CFAP52: variants seen among roughly 807,000 people sequenced by gnomAD.
The protein encoded by CFAP52 is cilia- and flagella-associated protein 52.
CFAP52 carries 57 observed loss-of-function variants against 70.5 expected under a neutral mutation model. That is an observed-to-expected ratio of 0.81 (90% CI 0.65 to 1.01). The LOEUF (loss-of-function observed/expected upper bound fraction) is 1.01, where lower values mean the gene tolerates loss of function less well. Ranked by LOEUF, CFAP52 falls within the 50% of genes least tolerant of loss-of-function variation. CFAP52 has a pLI of 0.00. For missense variants in CFAP52, 785 were observed against 788.5 expected (o/e 1.00, Z 0.05); for synonymous variants, 267 against 292.5 (o/e 0.91, Z 0.89).
chr17:9,577,241 C>A (rs939167324), intron 1 of CFAP52, among the ~76,000 whole-genome samples: 11 of 152,080 alleles, frequency 7.2e-5, no homozygotes, highest in Non-Finnish European at 1.6e-4. Flanking sequence ...TGGGAGGGAA[C>A]GTGTGTTTGA....
chr17:9,580,758 G>GAA (rs35545462), intron 1 of CFAP52, among the ~76,000 whole-genome samples: 3,727 of 148,126 alleles, frequency 0.025, 55 homozygotes, highest in South Asian at 0.037. Flanking sequence ...GGCAAAAAAA[G>GAA]AAAAAAAAAG....
chr17:9,616,057 C>T (rs991552691), intron 8 of CFAP52, among the ~76,000 whole-genome samples: 27 of 150,782 alleles, frequency 1.8e-4, no homozygotes, highest in African/African-American at 4.6e-4. Flanking sequence ...ACGCAGAAGA[C>T]GGGTGATTTC....
At position 9,612,395 on chromosome 17, in the gene CFAP52, T is replaced by G. The variant is rs1446767710; in HGVS notation, c.941T>G (p.Ile314Ser). 1 of 1,614,192 alleles carries G rather than the reference T, an allele frequency of 6.2e-7. No homozygotes were observed. The change falls in exon 8 of 14, where the codon ATT (isoleucine) becomes AGT (serine). Residue 314 changes from isoleucine to serine, a missense_variant. Physicochemically the swap from Ile to Ser is moderately radical, Grantham distance 142. Coordinates refer to ENST00000352665, the MANE Select transcript of CFAP52 (RefSeq NM_145054.5). ...CTCGTAGGAACAGAAGAATCGCACATTTATCGTGTCAGCTTCACGGATTTC... is the reference window on the plus strand; with the variant it reads ...CTCGTAGGAACAGAAGAATCGCACAGTTATCGTGTCAGCTTCACGGATTTC... ...QFLVGTEESH[I>S]YRVSFTDFKE... is the part of the protein sequence containing the mutation.
At chr17:9,624,829 A>G (rs1229751738) in intron 8 of CFAP52, among the ~76,000 whole-genome samples, 3 of 152,034 alleles carry the variant, frequency 2.0e-5, no homozygotes, top group African/African-American at 7.3e-5. Context: ...CAAACTGCAA[A>G]TTTTGCCTCC....
Position 9,641,734 on chromosome 17 carries a change from G to T in CFAP52, c.1586G>T (p.Trp529Leu). The T allele has an allele frequency of 6.2e-7, 1 of 1,613,198 alleles. No homozygotes were observed. Among genetic ancestry groups the T allele is most frequent in the Non-Finnish European group, 8.5e-7 (1 of 1,179,332 alleles). Residue 529 changes from tryptophan (W) to leucine (L), a missense_variant, in exon 13 of 14, where the codon TGG becomes TTG. Coordinates refer to ENST00000352665, the MANE Select transcript of CFAP52 (RefSeq NM_145054.5). ...TSGTDRKIAY[W>L]EVFDGTVIRE... ...TTTCCTGAATTCCAGATTGCTTACT[G>T]GGAAGTATTTGATGGGACAGTAATC...
intron 11 of CFAP52, among the ~76,000 whole-genome samples, chr17:9,635,949 G>C (rs923720673): frequency 8.6e-5 from 13 of 152,024 alleles, no homozygotes; most frequent in Non-Finnish European, 2.9e-5. Context: ...GAGGTGGGCA[G>C]ATCACCTGAG....
chr17:9,641,858 G>A, intron 13 of CFAP52, 23 bp downstream of exon 13: 1 of 1,596,704 alleles, frequency 6.3e-7, no homozygotes. Context: ...ATAGGAAAAA[G>A]CCAAGCCTGG....
chr17:9,605,437 C>T (rs531725428), intron 6 of CFAP52, among the ~76,000 whole-genome samples: 214 of 152,080 alleles, frequency 1.4e-3, no homozygotes, highest in South Asian at 1.0e-2. Flanking sequence ...TCAGGCTGGG[C>T]GCGGTGGCTG....
Position 9,594,289 on chromosome 17 carries a change from G to T in CFAP52, c.504G>T (p.Arg168Ser), listed in dbSNP as rs1240163076. The T allele has an allele frequency of 1.2e-6, 2 of 1,613,884 alleles. No individual in the cohort carries two copies. The highest frequency in any genetic ancestry group is 2.7e-5 in the African/African-American group (2 of 74,886). Residue 168 changes from arginine to serine, a missense_variant, in exon 4 of 14, where the codon AGG becomes AGT. Transcript: ENST00000352665. ...ATGCCACCAATGTGATCTTCTCCAG[G>T]TGCCGGGATGAGATGTTTATGACTG... Reference protein sequence around the residue: ...VGNATNVIFSRCRDEMFMTAG... With the variant: ...VGNATNVIFSSCRDEMFMTAG...
intron 6 of CFAP52, among the ~76,000 whole-genome samples, chr17:9,601,743 T>C (rs1028806521): frequency 9.2e-5 from 14 of 152,226 alleles, no homozygotes; most frequent in Admixed American, 8.5e-4. Context: ...CAAAGGATAA[T>C]TTTATATAAC....
At chr17:9,612,799 GA>G (rs59716468) in intron 8 of CFAP52, among the ~76,000 whole-genome samples, 13,774 of 152,078 alleles carry the variant, frequency 0.091, 1,012 homozygotes, top group African/African-American at 0.21. Context: ...CCTGACTTAT[GA>G]TTTTTTTTAT....
chr17:9,604,420 C>T (rs974706840), intron 6 of CFAP52, among the ~76,000 whole-genome samples: 3 of 152,066 alleles, frequency 2.0e-5, no homozygotes, highest in Non-Finnish European at 2.9e-5. Context: ...ACTTTTAAAA[C>T]TCAACAATAA....
At chr17:9,599,890 C>T (rs979801700) in intron 5 of CFAP52, among the ~76,000 whole-genome samples, 177 bp from the exon 6 acceptor site, 1 of 151,968 alleles carries the variant, frequency 6.6e-6, no homozygotes, top group African/African-American at 2.4e-5. Flanking sequence ...TATAGGCATG[C>T]ACCACGACAC....
intron 11 of CFAP52, among the ~76,000 whole-genome samples, chr17:9,635,899 G>A (rs529582742): frequency 4.5e-4 from 69 of 152,274 alleles, no homozygotes; most frequent in Non-Finnish European, 7.5e-4. Context: ...AAGGTCGGGC[G>A]TGGTGGCTTC....
chr17:9,578,833 A>G (rs1319253852), intron 1 of CFAP52, among the ~76,000 whole-genome samples: 1 of 152,184 alleles, frequency 6.6e-6, no homozygotes, highest in East Asian at 1.9e-4. Flanking sequence ...GGCTTGAGCC[A>G]CCACACCCAG....
chr17:9,633,049 ATTTG>A lies in CFAP52; in HGVS notation c.1320+17_1320+20del, dbSNP rs1191588219. 4 of 1,611,614 alleles carry A rather than the reference ATTTG, an allele frequency of 2.5e-6. No individual in the cohort carries two copies. The Admixed American group carries it at 5.0e-5, about 20-fold the overall frequency. On this transcript the variant is annotated intron_variant, in intron 10 of 13. Coordinates refer to ENST00000352665, the MANE Select transcript of CFAP52 (RefSeq NM_145054.5). Reference sequence around the variant, plus strand: ...GGAAGGGGAGGTATTGAAAGCAGAAATTTGAAAAAATAACGCTCTGTTTAGAACA... The same window carrying A: ...GGAAGGGGAGGTATTGAAAGCAGAAAAAAAAATAACGCTCTGTTTAGAACA...
At chr17:9,642,162 G>T (rs1239385815) in intron 13 of CFAP52, among the ~76,000 whole-genome samples, 1 of 152,148 alleles carries the variant, frequency 6.6e-6, no homozygotes, top group East Asian at 1.9e-4. Flanking sequence ...TACTTCTAAA[G>T]TCTTAAAAGC....
At chr17:9,581,230 T>C (rs1425499901) in intron 1 of CFAP52, among the ~76,000 whole-genome samples, 1 of 152,178 alleles carries the variant, frequency 6.6e-6, no homozygotes, top group African/African-American at 2.4e-5. Flanking sequence ...GGCAGGAGAA[T>C]GGCGTGAACC....
rs187849695 is a variant in CFAP52, at chr17:9,594,913, C to G, written c.536+592C>G. On this transcript the variant is annotated intron_variant, in intron 4 of 13. Coordinates refer to ENST00000352665, the MANE Select transcript of CFAP52 (RefSeq NM_145054.5). ...GGAGGGTTTTTTTTTTTTTTTTTGA[C>G]AGTGTTTTGCTGTGTCACCCAGGCT... Among the ~76,000 whole-genome samples the G allele has an allele frequency of 7.7e-5, 4 of 51,696 alleles. No individual in the cohort carries two copies. In the Admixed American group the frequency reaches 9.5e-4, roughly 12 times the overall value. 33.9% of individuals were successfully genotyped at this position (51,696 alleles called of 152,430 possible).
Sources: gnomAD v4.1 joint callset for allele counts (sites outside exome capture counted in the v4.1 genomes callset) on GRCh38, gnomAD v4.1.1 for gene constraint, MANE v1.5 for transcripts, NCBI Gene and HGNC (gene_info 2026-07-23, HGNC 2026-07-21) for gene names.